The following EHF variants were observed in gnomAD, a reference collection of about 807,000 sequenced individuals.
The protein encoded by EHF is ETS homologous factor.
Under a neutral mutation model 45.1 loss-of-function variants are expected in EHF, and 14 were observed. The ratio of observed to expected loss-of-function variants is 0.31; its 90% CI spans 0.21 to 0.49. EHF has a LOEUF of 0.49. EHF is among the 20% of genes least tolerant of loss of function. The pLI, the probability that EHF is intolerant of heterozygous loss-of-function variation, is 0.99. For synonymous variants in EHF, 136 were observed against 131.8 expected (o/e 1.03, Z -0.22); for missense variants, 282 against 371.4 (o/e 0.76, Z 1.98).
intron 1 of EHF, among the ~76,000 whole-genome samples, chr11:34,621,741 T>A (rs1053466648): frequency 6.6e-6 from 1 of 152,128 alleles, no homozygotes; most frequent in Non-Finnish European, 1.5e-5. Flanking sequence ...TGGCTAGAAA[T>A]AGGCAAGAAC....
intron 7 of EHF, among the ~76,000 whole-genome samples, chr11:34,657,297 C>T (rs374513728): frequency 4.6e-5 from 7 of 152,154 alleles, no homozygotes; most frequent in Middle Eastern, 3.4e-3. Context: ...GGAAGAGGAG[C>T]GAGATAAGAA....
intron 1 of EHF, among the ~76,000 whole-genome samples, chr11:34,623,633 G>T (rs997061469): frequency 6.6e-6 from 1 of 152,202 alleles, no homozygotes. Context: ...TTCAATTAGC[G>T]AATTGGAAAC....
chr11:34,646,231 G>A (rs1030925063), intron 2 of EHF, among the ~76,000 whole-genome samples: 2 of 152,050 alleles, frequency 1.3e-5, no homozygotes, highest in Non-Finnish European at 2.9e-5. Flanking sequence ...GAGCACTTCA[G>A]CTCTCTTGTC....
chr11:34,651,949 T>C (rs1361624986), intron 6 of EHF, 144 bp downstream of exon 6: 7 of 808,760 alleles, frequency 8.7e-6, no homozygotes, highest in Non-Finnish European at 1.1e-5. Flanking sequence ...TTAGACGAGG[T>C]TTGCTTTTGA....
At chr11:34,656,098 ACT>A (rs1855644773) in intron 6 of EHF, among the ~76,000 whole-genome samples, 1 of 151,896 alleles carries the variant, frequency 6.6e-6, no homozygotes, top group Non-Finnish European at 1.5e-5. Context: ...ACACACTCAC[ACT>A]CACACACACA....
rs1451159791 is a variant in EHF, at chr11:34,657,035, A to G, written c.607+65A>G. The G allele has an allele frequency of 5.0e-6, 8 of 1,589,010 alleles. No homozygotes were observed. The African/African-American group carries it at 6.8e-5, about 13-fold the overall frequency. ...ATCACATCGGGCACATCTGGAGGCC[A>G]CTAGTTTTTTGGCAAATATCGCCTC... On this transcript the variant is annotated intron_variant, in intron 7 of 8. Transcript: ENST00000257831.
Position 34,646,506 on chromosome 11 carries a change from G to A in EHF, c.165G>A (p.Val55=), listed in dbSNP as rs1309453596. ...IHPQYWTKYQ[V]WEWLQHLLDT... ...CTCAGTACTGGACCAAGTACCAGGTGTGGGAGTGGCTCCAGCACCTCCTGG... is the reference window on the plus strand; with the variant it reads ...CTCAGTACTGGACCAAGTACCAGGTATGGGAGTGGCTCCAGCACCTCCTGG... The change falls in exon 3 of 9, where the codon GTG becomes GTA. Residue 55 remains valine (V), a synonymous_variant. Coordinates refer to ENST00000257831, the MANE Select transcript of EHF (RefSeq NM_012153.6). 4.3e-6 allele frequency: 7 copies of A among 1,614,026 alleles called. No homozygotes were observed. Among genetic ancestry groups the A allele is most frequent in the Non-Finnish European group, 5.9e-6 (7 of 1,180,032 alleles).
chr11:34,637,378 G>A (rs1853542676), intron 1 of EHF, among the ~76,000 whole-genome samples: 1 of 152,214 alleles, frequency 6.6e-6, no homozygotes, highest in Admixed American at 6.5e-5. Flanking sequence ...CACAGAAGCA[G>A]TCCAAGTGCT....
At chr11:34,657,004 C>T in intron 7 of EHF, 34 bp downstream of exon 7, 1 of 1,611,412 alleles carries the variant, frequency 6.2e-7, no homozygotes, top group Non-Finnish European at 8.5e-7. Flanking sequence ...GCCTTTGGTC[C>T]TTCCCATCAC....
chr11:34,622,617 G>A (rs1183951833), intron 1 of EHF, among the ~76,000 whole-genome samples: 25 of 152,170 alleles, frequency 1.6e-4, no homozygotes, highest in Non-Finnish European at 2.8e-4. Flanking sequence ...TTTAATAGCT[G>A]CATTTGAAGT....
At chr11:34,624,318 G>C in intron 1 of EHF, 1 of 985,410 alleles carries the variant, frequency 1.0e-6, no homozygotes, top group South Asian at 4.7e-5. Flanking sequence ...TTCAGCTTGG[G>C]TAAGCCGGGT....
intron 4 of EHF, among the ~76,000 whole-genome samples, chr11:34,650,559 G>A (rs983803406): frequency 2.0e-5 from 3 of 152,150 alleles, no homozygotes; most frequent in South Asian, 2.1e-4. Flanking sequence ...CTTACACCCC[G>A]GCCCTAAAAC....
chr11:34,650,526 A>G (rs1226314421), intron 4 of EHF, among the ~76,000 whole-genome samples: 1 of 152,228 alleles, frequency 6.6e-6, no homozygotes, highest in Non-Finnish European at 1.5e-5. Flanking sequence ...TGCTATAAAA[A>G]CAAAATGAAA....
chr11:34,644,514 G>C (rs781444848), intron 2 of EHF, among the ~76,000 whole-genome samples: 6 of 152,168 alleles, frequency 3.9e-5, no homozygotes, highest in Admixed American at 6.5e-5. Context: ...CTTTTGTTTC[G>C]CCATGAGGTA....
chr11:34,630,364 G>A (rs1021025087), intron 1 of EHF, among the ~76,000 whole-genome samples: 16 of 152,032 alleles, frequency 1.1e-4, no homozygotes, highest in African/African-American at 3.6e-4. Context: ...CTAACATTCA[G>A]GGTTATTGTG....
intron 2 of EHF, among the ~76,000 whole-genome samples, chr11:34,643,637 T>C (rs1210371755): frequency 6.6e-6 from 1 of 152,202 alleles, no homozygotes; most frequent in East Asian, 1.9e-4. Flanking sequence ...CTCTTTTAAT[T>C]TGGAATCCTA....
intron 1 of EHF, chr11:34,622,496 G>A: frequency 5.0e-6 from 4 of 793,818 alleles, no homozygotes; most frequent in Non-Finnish European, 6.9e-6. Context: ...TTCCACTGGG[G>A]TCAGGGGAAA....
At chr11:34,622,500 G>A in intron 1 of EHF, 1 of 742,004 alleles carries the variant, frequency 1.3e-6, no homozygotes, top group Non-Finnish European at 1.9e-6. Flanking sequence ...ACTGGGGTCA[G>A]GGGAAAAATT....
chr11:34,657,064 C>A, intron 7 of EHF, 94 bp downstream of exon 7: 1 of 1,427,262 alleles, frequency 7.0e-7, no homozygotes, highest in Non-Finnish European at 9.7e-7. Context: ...TCGCCTCTGT[C>A]TGCTGCCTTC....
Sources: allele counts gnomAD v4.1 joint callset (sites outside exome capture counted in the v4.1 genomes callset), GRCh38; gene constraint gnomAD v4.1.1; transcripts MANE v1.5; gene names NCBI Gene and HGNC (gene_info 2026-07-23, HGNC 2026-07-21).